Variants in TAB2 observed in about 807,000 individuals in gnomAD.
TAB2 encodes the protein TGF-beta activated kinase 1 (MAP3K7) binding protein 2.
A neutral mutation model predicts 65.0 loss-of-function variants in TAB2; 3 were observed. The ratio of observed to expected loss-of-function variants is 0.05; its 90% CI spans 0.02 to 0.12. TAB2 has a LOEUF of 0.12. Ranked by LOEUF, TAB2 falls within the 10% of genes least tolerant of loss-of-function variation. The pLI is 1.00. For missense variants in TAB2, 623 were observed against 840.3 expected (o/e 0.74, Z 3.20); for synonymous variants, 298 against 285.1 (o/e 1.05, Z -0.46).
chr6:149,322,129 T>C (rs1242121748), intron 1 of TAB2, among the ~76,000 whole-genome samples: 1 of 152,158 alleles, frequency 6.6e-6, no homozygotes, highest in Non-Finnish European at 1.5e-5. Context: ...GCACTTATTA[T>C]GTGCTAGGGA....
chr6:149,238,519 G>C (rs969614046), intron 1 of TAB2, among the ~76,000 whole-genome samples: 1 of 152,168 alleles, frequency 6.6e-6, no homozygotes, highest in Non-Finnish European at 1.5e-5. Flanking sequence ...CAGTGGCTCA[G>C]TGCTGAACAA....
At chr6:149,385,579 A>T (rs1347102159) in intron 3 of TAB2, among the ~76,000 whole-genome samples, 1 of 152,210 alleles carries the variant, frequency 6.6e-6, no homozygotes, top group Non-Finnish European at 1.5e-5. Flanking sequence ...TAGCCCTACT[A>T]CTTGTAGGTT....
rs565613766 is a variant in TAB2 at position 149,346,667 on chromosome 6, T to C, written c.-89-23242T>C. 6.0e-4 allele frequency: 92 copies of C among 152,250 alleles called. 1 individual carries two copies. The highest frequency in any genetic ancestry group is 2.2e-3 in the African/African-American group (90 of 41,532). 9.4% of individuals were successfully genotyped at this position (152,250 alleles called of 1,614,324 possible). On this transcript the variant is annotated intron_variant, in intron 1 of 6. Transcript: ENST00000637181. Reference sequence around the variant, plus strand: ...TGGGGCTTCACCATATTGGTCAGGCTGGTCTTGAACTCCTGACCTCAGGTG... The same window carrying C: ...TGGGGCTTCACCATATTGGTCAGGCCGGTCTTGAACTCCTGACCTCAGGTG...
chr6:149,276,841 A>G (rs1778483036), intron 1 of TAB2, among the ~76,000 whole-genome samples: 2 of 152,162 alleles, frequency 1.3e-5, no homozygotes, highest in Non-Finnish European at 2.9e-5. Flanking sequence ...ATATATGCTG[A>G]TATGGTTTGG....
At chr6:149,298,182 G>A (rs1778910678) in intron 1 of TAB2, among the ~76,000 whole-genome samples, 1 of 152,100 alleles carries the variant, frequency 6.6e-6, no homozygotes, top group Non-Finnish European at 1.5e-5. Flanking sequence ...ATAGCATTTT[G>A]TAGTAAAGTG....
chr6:149,368,645 T>TTGTGTGTGTG (rs3056968), intron 1 of TAB2, among the ~76,000 whole-genome samples: 2,197 of 147,564 alleles, frequency 0.015, 12 homozygotes, highest in Non-Finnish European at 0.015. Context: ...ATGCGAAAAT[T>TTGTGTGTGTG]TGTGTGTGTG....
At chr6:149,335,464 T>C (rs866429473) in intron 1 of TAB2, among the ~76,000 whole-genome samples, 1 of 152,116 alleles carries the variant, frequency 6.6e-6, no homozygotes, top group Middle Eastern at 3.4e-3. Flanking sequence ...CTTCCTGGGC[T>C]CAGCCTTAAC....
chr6:149,246,832 G>A (rs145395947), intron 1 of TAB2: 1,921 of 152,334 alleles, frequency 0.013, 24 homozygotes, highest in Non-Finnish European at 0.017. Context: ...ACTCGGCTAA[G>A]TTGCTCTTTT....
intron 3 of TAB2, 97 bp from the exon 4 acceptor site, chr6:149,397,507 G>T: frequency 3.6e-6 from 5 of 1,397,944 alleles, no homozygotes; most frequent in Non-Finnish European, 4.0e-6. Flanking sequence ...ATGTAGCTTT[G>T]GGATTTCTGA....
chr6:149,379,640 T>C, intron 3 of TAB2, 122 bp downstream of exon 3: 2 of 895,096 alleles, frequency 2.2e-6, no homozygotes, highest in South Asian at 2.8e-5. Context: ...CCCCAAATGA[T>C]GTTATTGTAA....
chr6:149,321,084 G>A (rs1562414201), intron 1 of TAB2: 1 of 152,392 alleles, frequency 6.6e-6, no homozygotes, highest in Admixed American at 6.5e-5. Context: ...ATGTGGAGAT[G>A]TGGGTAGTGG....
At chr6:149,377,228 G>A (rs980373141) in intron 2 of TAB2, among the ~76,000 whole-genome samples, 1 of 151,596 alleles carries the variant, frequency 6.6e-6, no homozygotes, top group Non-Finnish European at 1.5e-5. Flanking sequence ...CCGCCACCAC[G>A]CCCGGCTAAT....
At chr6:149,403,313 T>TATATATATAC (rs1298336581) in intron 6 of TAB2, among the ~76,000 whole-genome samples, 9 of 66,840 alleles carry the variant, frequency 1.3e-4, no homozygotes, top group African/African-American at 5.8e-4. Context: ...TATATATATA[T>TATATATATAC]ACACACACAT....
intron 1 of TAB2, among the ~76,000 whole-genome samples, chr6:149,228,035 T>G (rs1437682104): frequency 6.6e-6 from 1 of 151,890 alleles, no homozygotes; most frequent in Non-Finnish European, 1.5e-5. Context: ...TATTATTGAG[T>G]GAAACGTCCC....
At chr6:149,282,421 T>C (rs115728235) in intron 1 of TAB2, among the ~76,000 whole-genome samples, 6,118 of 152,056 alleles carry the variant, frequency 0.04, 151 homozygotes, top group Non-Finnish European at 0.046. Context: ...ATATTTATAA[T>C]ATATAAATAT....
chr6:149,368,300 C>CA (rs1051751167), intron 1 of TAB2, among the ~76,000 whole-genome samples: 56 of 152,048 alleles, frequency 3.7e-4, no homozygotes, highest in Non-Finnish European at 1.2e-4. Flanking sequence ...ACTGAGAACT[C>CA]ACCATTGGGT....
intron 1 of TAB2, among the ~76,000 whole-genome samples, chr6:149,219,284 C>T (rs577662062): frequency 1.7e-4 from 25 of 150,072 alleles, no homozygotes; most frequent in South Asian, 6.4e-4. Flanking sequence ...TTTTGCTTAC[C>T]AAGTGTTTCA....
chr6:149,270,503 T>C (rs1412787720), intron 1 of TAB2, among the ~76,000 whole-genome samples: 2 of 152,192 alleles, frequency 1.3e-5, no homozygotes, highest in Non-Finnish European at 2.9e-5. Flanking sequence ...AGAGAGTAGA[T>C]TTTAAGTATT....
At chr6:149,355,439 G>A (rs1261498397) in intron 1 of TAB2, among the ~76,000 whole-genome samples, 1 of 152,060 alleles carries the variant, frequency 6.6e-6, no homozygotes, top group East Asian at 1.9e-4. Flanking sequence ...GCCGAGGTGG[G>A]TGGATCACCT....
Sources: gnomAD v4.1 joint callset for allele counts (sites outside exome capture counted in the v4.1 genomes callset) on GRCh38, gnomAD v4.1.1 for gene constraint, MANE v1.5 for transcripts, NCBI Gene and HGNC (gene_info 2026-07-23, HGNC 2026-07-21) for gene names.